Variants in PCDHGA3 observed in about 807,000 individuals in gnomAD.
PCDHGA3 encodes the protein protocadherin gamma subfamily A, 3.
In PCDHGA3, 40 loss-of-function variants were observed where a neutral mutation model predicts 58.5. The ratio of observed to expected loss-of-function variants is 0.68; its 90% CI spans 0.53 to 0.89. The LOEUF is 0.89. Among genes scored for constraint, PCDHGA3 ranks in the 40% least tolerant of loss-of-function variants. PCDHGA3 has a pLI of 0.00. For synonymous variants in PCDHGA3, 530 were observed against 525.7 expected (o/e 1.01, Z -0.11); for missense variants, 1,223 against 1,195.9 (o/e 1.02, Z -0.33).
chr5:141,423,489 T>C (rs764165685), intron 1 of PCDHGA3: 1 of 1,614,016 alleles, frequency 6.2e-7, no homozygotes, highest in South Asian at 1.1e-5. Context: ...TGCAAACCTA[T>C]TCCCACGAGG....
chr5:141,376,506 A>C (rs773992139), intron 1 of PCDHGA3: 1 of 1,614,126 alleles, frequency 6.2e-7, no homozygotes, highest in African/African-American at 1.3e-5. Flanking sequence ...AGGCAACTTC[A>C]GGTGAGTTTC....
At chr5:141,499,244 CAA>C (rs1191956146) in intron 2 of PCDHGA3, among the ~76,000 whole-genome samples, 1 of 152,090 alleles carries the variant, frequency 6.6e-6, no homozygotes, top group Non-Finnish European at 1.5e-5. Flanking sequence ...AGCCTCTGCA[CAA>C]AGAGTCTCCA....
chr5:141,415,967 C>A, intron 1 of PCDHGA3: 1 of 389,100 alleles, frequency 2.6e-6, no homozygotes, highest in Non-Finnish European at 4.2e-6. Context: ...AACTCCAGCC[C>A]CTTAAGCAAC....
At chr5:141,430,653 A>G (rs2097300223) in intron 1 of PCDHGA3, 4 of 1,073,410 alleles carry the variant, frequency 3.7e-6, no homozygotes, top group Middle Eastern at 2.4e-4. Context: ...TGTGGAAACA[A>G]CGGAGGAGCT....
At position 141,346,431 on chromosome 5, in the gene PCDHGA3, A is replaced by G. The variant is rs1757751673; in HGVS notation, c.2398A>G (p.Met800Val). 5.6e-6 allele frequency: 9 copies of G among 1,614,292 alleles called. No homozygotes were observed. The highest frequency in any genetic ancestry group is 6.8e-6 in the Non-Finnish European group (8 of 1,180,058). The change falls in exon 1 of 4, where the codon ATG becomes GTG. Residue 800 changes from methionine to valine, a missense_variant. Met to Val is a conservative substitution (Grantham distance 21, BLOSUM62 1). Coordinates refer to ENST00000253812, the MANE Select transcript of PCDHGA3 (RefSeq NM_018916.4). ...PLLITQDLLE[M>V]KGDSNLLQQA... is the part of the protein sequence containing the mutation. ...TCTGATAACTCAGGATTTACTTGAA[A>G]TGAAAGGAGATTCCAACCTACTTCA...
chr5:141,408,372 G>A, intron 1 of PCDHGA3: 2 of 1,614,024 alleles, frequency 1.2e-6, no homozygotes, highest in African/African-American at 1.3e-5. Flanking sequence ...CTAGGGCTCA[G>A]TGTCCTGGAT....
chr5:141,397,573 T>C (rs1196804839), intron 1 of PCDHGA3, among the ~76,000 whole-genome samples: 1 of 152,212 alleles, frequency 6.6e-6, no homozygotes, highest in African/African-American at 2.4e-5. Flanking sequence ...GAGCAAGAAC[T>C]GTATCATATT....
intron 1 of PCDHGA3, among the ~76,000 whole-genome samples, chr5:141,460,124 A>AAT (rs2098982741): frequency 6.6e-6 from 1 of 152,052 alleles, no homozygotes; most frequent in African/African-American, 2.4e-5. Context: ...TTATATATGT[A>AAT]ATATATATAT....
At chr5:141,394,938 G>T (rs367656720) in intron 1 of PCDHGA3, 1 of 1,613,662 alleles carries the variant, frequency 6.2e-7, no homozygotes, top group Non-Finnish European at 8.5e-7. Context: ...CGCCTTTGTC[G>T]CTGTGCTTCT....
intron 1 of PCDHGA3, chr5:141,351,296 A>T: frequency 2.5e-6 from 4 of 1,613,934 alleles, no homozygotes; most frequent in Non-Finnish European, 3.4e-6. Context: ...GGTGACATTC[A>T]TGTCCTTCTC....
At position 141,344,944 on chromosome 5, in the gene PCDHGA3, TA is replaced by T; in HGVS notation, c.916del (p.Ser306ValfsTer2). The T allele has an allele frequency of 1.2e-6, 2 of 1,613,856 alleles. No individual in the cohort carries two copies. Among genetic ancestry groups the T allele is most frequent in the East Asian group, 2.2e-5 (1 of 44,874 alleles). On this transcript the variant is annotated frameshift_variant, in exon 1 of 4. Coordinates refer to ENST00000253812, the MANE Select transcript of PCDHGA3 (RefSeq NM_018916.4). LOFTEE classifies it high-confidence loss of function. ...LNSVSGEVSI[L>X]KSLDYEDAMF... ...TCAGTGAGTGGAGAAGTATCAATAT[TA>T]AAAAGTCTAGATTATGAGGATGCCA...
chr5:141,388,791 A>C (rs1247299397), intron 1 of PCDHGA3: 1 of 1,613,810 alleles, frequency 6.2e-7, no homozygotes, highest in Admixed American at 1.7e-5. Flanking sequence ...TACTGTTTTA[A>C]ATACATTAGA....
At chr5:141,346,983 A>G (rs931121995) in intron 1 of PCDHGA3, among the ~76,000 whole-genome samples, 12 of 151,378 alleles carry the variant, frequency 7.9e-5, no homozygotes, top group African/African-American at 2.9e-4. Flanking sequence ...GACAGGTGAC[A>G]CTCTTTTTTT....
At chr5:141,392,627 G>C (rs4151699) in intron 1 of PCDHGA3, 43,187 of 584,208 alleles carry the variant, frequency 0.074, 2,003 homozygotes, top group Non-Finnish European at 0.093. Flanking sequence ...AAAACACTCA[G>C]ATCTCACACC....
chr5:141,356,297 T>C, intron 1 of PCDHGA3: 1 of 1,554,974 alleles, frequency 6.4e-7, no homozygotes, highest in African/African-American at 1.4e-5. Flanking sequence ...GGTACAGTAA[T>C]TGCACTTTTC....
chr5:141,397,200 G>A (rs2093487150), intron 1 of PCDHGA3, among the ~76,000 whole-genome samples: 1 of 152,154 alleles, frequency 6.6e-6, no homozygotes, highest in Non-Finnish European at 1.5e-5. Context: ...TAAAAGATAT[G>A]ACATAAGAGA....
At chr5:141,456,421 A>C (rs1358944131) in intron 1 of PCDHGA3, among the ~76,000 whole-genome samples, 1 of 152,150 alleles carries the variant, frequency 6.6e-6, no homozygotes, top group Non-Finnish European at 1.5e-5. Context: ...GAAACAATTC[A>C]AGTTATAGTA....
intron 1 of PCDHGA3, chr5:141,359,976 C>G (rs1462412322): frequency 1.3e-6 from 1 of 793,442 alleles, no homozygotes; most frequent in Admixed American, 3.6e-5. Flanking sequence ...GTTTGGGAGC[C>G]TCTTAGAGGG....
At chr5:141,434,193 T>G (rs2097677103) in intron 1 of PCDHGA3, among the ~76,000 whole-genome samples, 1 of 152,246 alleles carries the variant, frequency 6.6e-6, no homozygotes, top group South Asian at 2.1e-4. Flanking sequence ...GTAATTCCAA[T>G]GTACTTACTT....
Sources: gnomAD v4.1 joint callset for allele counts (sites outside exome capture counted in the v4.1 genomes callset) on GRCh38, gnomAD v4.1.1 for gene constraint, MANE v1.5 for transcripts, NCBI Gene and HGNC (gene_info 2026-07-23, HGNC 2026-07-21) for gene names.